ADAT1: variants seen among roughly 807,000 people sequenced by gnomAD.
ADAT1 encodes the protein adenosine deaminase tRNA specific 1.
In ADAT1, 58 loss-of-function variants were observed where a neutral mutation model predicts 58.6. The ratio of observed to expected loss-of-function variants is 0.99; its 90% CI spans 0.80 to 1.23. ADAT1 has a LOEUF of 1.23. ADAT1 is among the 50% of genes most tolerant of loss of function. ADAT1 has a pLI of 0.00. For synonymous variants in ADAT1, 254 were observed against 220.8 expected (o/e 1.15, Z -1.33); for missense variants, 741 against 608.6 (o/e 1.22, Z -2.29).
chr16:75,608,748 A>T, intron 7 of ADAT1, 95 bp downstream of exon 7: 1 of 1,473,538 alleles, frequency 6.8e-7, no homozygotes, highest in Non-Finnish European at 9.1e-7. Context: ...AGAGTGGTGA[A>T]CTACCTTCCT....
rs1376625134 is a variant in ADAT1, at chr16:75,618,120, A to AG, written c.293+465_293+466insC. On this transcript the variant is annotated intron_variant, in intron 4 of 9. Transcript: ENST00000564657. The stretch of plus-strand genomic sequence containing the variant: ...GTCCAAAAAAAAAAAAAAAAAAAAA[A>AG]AAAAGAGAGAACCACTAGTCTAGAC... Among the ~76,000 whole-genome samples the AG allele has an allele frequency of 6.6e-4, 97 of 146,790 alleles. 3 individuals are homozygous for AG. The highest frequency in any genetic ancestry group is 2.5e-3 in the African/African-American group (94 of 37,840).
chr16:75,597,327 A>G lies in ADAT1; in HGVS notation c.*2889T>C. 2.3e-6 allele frequency: 1 copy of G among 444,170 alleles called. No individual in the cohort carries two copies. The highest frequency in any genetic ancestry group is 4.5e-6 in the Non-Finnish European group (1 of 221,776). The allele number at this position is 444,170 out of a possible 1,614,324, so 27.5% of individuals were successfully genotyped here. A position where few individuals can be genotyped will look rare whatever the true frequency, so the allele number is the denominator to read the frequency against. On this transcript the variant is annotated 3_prime_UTR_variant, in exon 10 of 10. Coordinates refer to ENST00000564657, the MANE Select transcript of ADAT1 (RefSeq NM_001324445.2). Reference sequence around the variant, plus strand: ...GACACAGACACAGAAGGCCATGTGAAGACGGAGGGAGAAACTGAAGTGATG... The same window carrying G: ...GACACAGACACAGAAGGCCATGTGAGGACGGAGGGAGAAACTGAAGTGATG...
intron 5 of ADAT1, among the ~76,000 whole-genome samples, chr16:75,615,248 G>T (rs1237901027): frequency 6.6e-6 from 1 of 150,962 alleles, no homozygotes; most frequent in African/African-American, 2.4e-5. Flanking sequence ...TAAAGTGAAA[G>T]AAATTAGTTT....
At chr16:75,614,060 C>T (rs1049439474) in intron 5 of ADAT1, among the ~76,000 whole-genome samples, 3 of 151,946 alleles carry the variant, frequency 2.0e-5, no homozygotes, top group East Asian at 1.9e-4. Flanking sequence ...TGTGGTGGCG[C>T]GCACCTGTAG....
At position 75,603,072 on chromosome 16, in the gene ADAT1, T is replaced by G; in HGVS notation, c.1376+13A>C. On this transcript the variant is annotated intron_variant, in intron 9 of 9. Transcript: ENST00000564657. ...CTACCTAAATATGAGAAAACATAGG[T>G]CAACAGCATCACCTGAGGGAGTGTG... 6.2e-7 allele frequency: 1 copy of G among 1,611,916 alleles called. No individual in the cohort carries two copies. Among genetic ancestry groups the G allele is most frequent in the East Asian group, 2.2e-5 (1 of 44,862 alleles).
Position 75,599,720 on chromosome 16 carries a change from G to C in ADAT1, c.*496C>G, listed in dbSNP as rs12600271. 0.069 allele frequency: 67,993 copies of C among 987,982 alleles called. 5,584 individuals carry two copies. In the East Asian group the frequency reaches 0.7, roughly 10 times the overall value. The allele number at this position is 987,982 out of a possible 1,614,324, so 61.2% of individuals were successfully genotyped here. A position where few individuals can be genotyped will look rare whatever the true frequency, so the allele number is the denominator to read the frequency against. On this transcript the variant is annotated 3_prime_UTR_variant, in exon 10 of 10. Coordinates refer to ENST00000564657, the MANE Select transcript of ADAT1 (RefSeq NM_001324445.2). ...TTCCTAGAGCCAGGGAGTAAGGTTA[G>C]CTTCAGCCAAGTCTGAGGCACAGAG... is the stretch of plus-strand genomic sequence containing the variant.
chr16:75,618,681 C>T, intron 3 of ADAT1, 41 bp from the exon 4 acceptor site: 34 of 1,608,936 alleles, frequency 2.1e-5, no homozygotes, highest in Non-Finnish European at 2.9e-5. Context: ...CATATGGAAG[C>T]TGGAGAGGGT....
intron 5 of ADAT1, among the ~76,000 whole-genome samples, chr16:75,615,934 T>C (rs2081699844): frequency 6.6e-6 from 1 of 152,090 alleles, no homozygotes; most frequent in Admixed American, 6.6e-5. Context: ...GGATGAGTGC[T>C]GCCTACCTGT....
rs1597079370 is a variant in ADAT1 at position 75,598,935 on chromosome 16, G to C, written c.*1281C>G. On this transcript the variant is annotated 3_prime_UTR_variant, in exon 10 of 10. Transcript: ENST00000564657. The stretch of plus-strand genomic sequence containing the variant: ...CCACAAAATGCTGAAGAACCAATAA[G>C]GACCTTGAGTAACCCCAACATGGGA... 1 of 985,332 alleles carries C rather than the reference G, an allele frequency of 1.0e-6. No homozygotes were observed. Among genetic ancestry groups the C allele is most frequent in the East Asian group, 1.1e-4 (1 of 8,820 alleles). 61.0% of individuals were successfully genotyped at this position (985,332 alleles called of 1,614,324 possible). A position where few individuals can be genotyped will look rare whatever the true frequency, so the allele number is the denominator to read the frequency against.
Position 75,599,368 on chromosome 16 carries a change from C to A in ADAT1, c.*848G>T. 1 of 985,768 alleles carries A rather than the reference C, an allele frequency of 1.0e-6. No homozygotes were observed. Among genetic ancestry groups the A allele is most frequent in the Non-Finnish European group, 1.2e-6 (1 of 829,916 alleles). 61.1% of individuals were successfully genotyped at this position (985,768 alleles called of 1,614,324 possible). On this transcript the variant is annotated 3_prime_UTR_variant, in exon 10 of 10. Transcript: ENST00000564657. ...AAGTGCTGGGATTACAGGCCTGAGC[C>A]ACCAAGCCTGGCCACCTTTTGGCTT... is the stretch of plus-strand genomic sequence containing the variant.
chr16:75,603,176 T>C lies in ADAT1; in HGVS notation c.1290-5A>G. Reference sequence around the variant, plus strand: ...TCCACTTTGCTGATTTGGGATCTGTTTGGAAAAAGAAGGCAAAGATGATTT... The same window carrying C: ...TCCACTTTGCTGATTTGGGATCTGTCTGGAAAAAGAAGGCAAAGATGATTT... On this transcript the variant is annotated splice_region_variant and splice_polypyrimidine_tract_variant and intron_variant, in intron 8 of 9. Transcript: ENST00000564657. The C allele has an allele frequency of 6.2e-6, 10 of 1,612,866 alleles. No individual in the cohort carries two copies. Among genetic ancestry groups the C allele is most frequent in the African/African-American group, 1.3e-5 (1 of 74,970 alleles).
At chr16:75,618,810 TTCTC>T in intron 3 of ADAT1, 170 bp from the exon 4 acceptor site, 1 of 718,634 alleles carries the variant, frequency 1.4e-6, no homozygotes, top group Non-Finnish European at 2.2e-6. Context: ...GGTGCAGGGT[TTCTC>T]AACCCAGCAC....
chr16:75,620,236 A>G (rs750624788), intron 3 of ADAT1, 30 bp downstream of exon 3: 1 of 1,610,876 alleles, frequency 6.2e-7, no homozygotes, highest in Admixed American at 1.7e-5. Flanking sequence ...TTCAAGCTAA[A>G]TCTTTGTTTA....
rs773862221 is a variant in ADAT1 at position 75,620,826 on chromosome 16, T to A, written c.-21-6A>T. 3 of 1,593,554 alleles carry A rather than the reference T, an allele frequency of 1.9e-6. No individual in the cohort carries two copies. In the African/African-American group the frequency reaches 4.0e-5, roughly 21 times the overall value. ...GTCTGAGCTGGTATTGAGACCTTGA[T>A]CAAAAACCACAACCATCAGAAGTAC... On this transcript the variant is annotated splice_region_variant and splice_polypyrimidine_tract_variant and intron_variant, in intron 1 of 9. Coordinates refer to ENST00000564657, the MANE Select transcript of ADAT1 (RefSeq NM_001324445.2).
chr16:75,612,968 C>T (rs2081594933), intron 5 of ADAT1, 107 bp from the exon 6 acceptor site: 2 of 1,341,748 alleles, frequency 1.5e-6, no homozygotes, highest in African/African-American at 1.5e-5. Context: ...TCTTGGGACC[C>T]ACAGTAGACC....
chr16:75,604,405 C>G (rs1212225805), intron 8 of ADAT1, among the ~76,000 whole-genome samples: 3 of 121,448 alleles, frequency 2.5e-5, no homozygotes, highest in African/African-American at 6.3e-5. Flanking sequence ...TGCCCTCCAG[C>G]CTGGGTGACA....
At position 75,599,004 on chromosome 16, in the gene ADAT1, T is replaced by TA; in HGVS notation, c.*1211dup. 1 of 985,164 alleles carries TA rather than the reference T, an allele frequency of 1.0e-6. No individual in the cohort carries two copies. Among genetic ancestry groups the TA allele is most frequent in the Non-Finnish European group, 1.2e-6 (1 of 829,912 alleles). 61.0% of individuals were successfully genotyped at this position (985,164 alleles called of 1,614,324 possible). ...TCATTCAAGGTCTGAAGTTGAGTGTTAAACATTCGATGTTAAAACAGGATT... is the reference window on the plus strand; with the variant it reads ...TCATTCAAGGTCTGAAGTTGAGTGTTAAAACATTCGATGTTAAAACAGGATT... On this transcript the variant is annotated 3_prime_UTR_variant, in exon 10 of 10. Transcript: ENST00000564657.
At position 75,598,711 on chromosome 16, in the gene ADAT1, G is replaced by C. The variant is rs951367649; in HGVS notation, c.*1505C>G. On this transcript the variant is annotated 3_prime_UTR_variant, in exon 10 of 10. Transcript: ENST00000564657. ...TTTTTGTATTTTTAGCAGAGACGGG[G>C]TTTCATCATGTTGGCCAGACTGGTC... Among the ~76,000 whole-genome samples the C allele has an allele frequency of 2.0e-5, 3 of 151,510 alleles. No homozygotes were observed. The highest frequency in any genetic ancestry group is 4.4e-5 in the Non-Finnish European group (3 of 67,878).
chr16:75,619,535 A>G, intron 3 of ADAT1: 1 of 427,206 alleles, frequency 2.3e-6, no homozygotes, highest in Non-Finnish European at 4.6e-6. Flanking sequence ...AAAAAAAAAA[A>G]AACCACTGAA....
Sources: gnomAD v4.1 joint callset for allele counts (sites outside exome capture counted in the v4.1 genomes callset) on GRCh38, gnomAD v4.1.1 for gene constraint, MANE v1.5 for transcripts, NCBI Gene and HGNC (gene_info 2026-07-23, HGNC 2026-07-21) for gene names.